EHBP1: variants seen among roughly 807,000 people sequenced by gnomAD.
EHBP1 encodes EH domain-binding protein 1.
Under a neutral mutation model 144.0 loss-of-function variants are expected in EHBP1, and 55 were observed. The observed-to-expected ratio is 0.38, with a 90% CI of 0.31 to 0.48. EHBP1 has a LOEUF of 0.48. EHBP1 is among the 20% of genes least tolerant of loss of function. EHBP1 has a pLI of 0.98. For synonymous variants in EHBP1, 469 were observed against 472.7 expected (o/e 0.99, Z 0.10); for missense variants, 1,200 against 1,364.2 (o/e 0.88, Z 1.90).
intron 9 of EHBP1, among the ~76,000 whole-genome samples, chr2:62,865,989 G>A (rs970779440): frequency 3.9e-5 from 6 of 152,206 alleles, no homozygotes; most frequent in African/African-American, 1.4e-4. Flanking sequence ...CTTTAGCTGA[G>A]TGTGGATCAG....
intron 14 of EHBP1, among the ~76,000 whole-genome samples, chr2:62,971,844 A>G (rs1574301859): frequency 6.6e-6 from 1 of 152,036 alleles, no homozygotes; most frequent in East Asian, 1.9e-4. Context: ...CTTCTATGAA[A>G]CCCTCCAAAG....
chr2:62,793,402 T>A (rs1371441090), intron 5 of EHBP1, among the ~76,000 whole-genome samples: 1 of 152,146 alleles, frequency 6.6e-6, no homozygotes, highest in Non-Finnish European at 1.5e-5. Flanking sequence ...AGTGAAAATC[T>A]ATAGGGCTTT....
intron 3 of EHBP1, among the ~76,000 whole-genome samples, chr2:62,748,844 G>C (rs938396638): frequency 2.0e-5 from 3 of 151,958 alleles, no homozygotes; most frequent in African/African-American, 7.2e-5. Flanking sequence ...CTCTTTTCAA[G>C]TCTTTTATTT....
intron 3 of EHBP1, among the ~76,000 whole-genome samples, chr2:62,753,097 C>A (rs973868835): frequency 6.6e-6 from 1 of 152,104 alleles, no homozygotes; most frequent in Non-Finnish European, 1.5e-5. Context: ...TTCCTAGCAT[C>A]GATGGTCTTT....
intron 9 of EHBP1, among the ~76,000 whole-genome samples, chr2:62,871,364 A>C (rs1445142545): frequency 6.6e-6 from 1 of 152,224 alleles, no homozygotes; most frequent in African/African-American, 2.4e-5. Flanking sequence ...AGTCTTTACA[A>C]GTTTCTCGTG....
intron 10 of EHBP1, among the ~76,000 whole-genome samples, chr2:62,890,110 G>A (rs1299417531): frequency 6.6e-6 from 1 of 151,866 alleles, no homozygotes; most frequent in Non-Finnish European, 1.5e-5. Flanking sequence ...ACAGGCACAT[G>A]CCACCACACC....
At chr2:62,996,787 G>C (rs763975095) in intron 19 of EHBP1, 21 bp downstream of exon 19, 2 of 1,605,352 alleles carry the variant, frequency 1.2e-6, no homozygotes, top group Non-Finnish European at 8.5e-7. Flanking sequence ...CAATTACACT[G>C]TAAACAGTTT....
At position 62,993,557 on chromosome 2, in the gene EHBP1, C is replaced by A. The variant is rs141670000; in HGVS notation, c.2761C>A (p.Arg921=). ...KSGTEDLRTE[R]LQKTTERFRN... is the part of the protein sequence containing the mutation. Reference sequence around the variant, plus strand: ...TGGCACAGAAGATCTCCGGACTGAACGATTACAAAAAACAACAGAACGTTT... The same window carrying A: ...TGGCACAGAAGATCTCCGGACTGAAAGATTACAAAAAACAACAGAACGTTT... The change falls in exon 17 of 23, where the codon CGA becomes AGA. Residue 921 remains arginine, a synonymous_variant. Transcript: ENST00000431489. 2.5e-6 allele frequency: 4 copies of A among 1,594,730 alleles called. No individual in the cohort carries two copies. The highest frequency in any genetic ancestry group is 2.3e-5 in the South Asian group (2 of 88,016).
At chr2:62,948,130 T>G (rs2057170558) in intron 12 of EHBP1, 130 bp from the exon 13 acceptor site, 1 of 708,230 alleles carries the variant, frequency 1.4e-6, no homozygotes, top group South Asian at 5.6e-5. Context: ...CTTTTGGAAA[T>G]TTGTTCTTTT....
At chr2:63,043,920 C>CATTTTTTTT in intron 21 of EHBP1, 1 of 9,384 alleles carries the variant, frequency 1.1e-4, no homozygotes, top group Non-Finnish European at 2.0e-4. Flanking sequence ...GGCCATGGTT[C>CATTTTTTTT]TTTTTTTTTT....
chr2:62,839,120 G>A (rs1445062928), intron 7 of EHBP1, among the ~76,000 whole-genome samples: 2 of 148,854 alleles, frequency 1.3e-5, no homozygotes, highest in South Asian at 2.1e-4. Flanking sequence ...GAATCCAGCA[G>A]CACATCAAAA....
Position 62,860,650 on chromosome 2 carries a change from C to T in EHBP1, c.757+1359C>T, listed in dbSNP as rs573879743. Among the ~76,000 whole-genome samples, 73 of 152,286 alleles carry T rather than the reference C, an allele frequency of 4.8e-4. 1 individual carries two copies. The highest frequency in any genetic ancestry group is 1.5e-3 in the African/African-American group (63 of 41,562). ...TCTTAATCAGGTATCCTTTTGACCA[C>T]ACAACTTCTTGATTTTATACTACAT... On this transcript the variant is annotated intron_variant, in intron 8 of 22. Coordinates refer to ENST00000431489, the MANE Select transcript of EHBP1 (RefSeq NM_001142616.3).
At chr2:62,955,845 C>T in intron 14 of EHBP1, 185 bp downstream of exon 14, 1 of 517,642 alleles carries the variant, frequency 1.9e-6, no homozygotes, top group East Asian at 3.4e-5. Flanking sequence ...ATTATTCCTA[C>T]AGAGCAGTGT....
At chr2:62,933,050 TTC>T (rs1425245536) in intron 10 of EHBP1, among the ~76,000 whole-genome samples, 4 of 151,906 alleles carry the variant, frequency 2.6e-5, no homozygotes, top group Admixed American at 1.3e-4. Flanking sequence ...CCCAAATAAC[TTC>T]TGTTTATGTG....
At chr2:62,964,448 C>T (rs1392731567) in intron 14 of EHBP1, among the ~76,000 whole-genome samples, 1 of 152,216 alleles carries the variant, frequency 6.6e-6, no homozygotes, top group Non-Finnish European at 1.5e-5. Context: ...TCAGCATGCA[C>T]AAGAGTTTAA....
rs2048969872 is a variant in EHBP1 at position 62,855,403 on chromosome 2, C to T, written c.635-3766C>T. On this transcript the variant is annotated intron_variant, in intron 7 of 22. Transcript: ENST00000431489. ...GCAGCTCCATGCTGGCCTGCAGGCACCCATTGGCACCTACACCCTAGGCAC... is the reference window on the plus strand; with the variant it reads ...GCAGCTCCATGCTGGCCTGCAGGCATCCATTGGCACCTACACCCTAGGCAC... 2.0e-5 allele frequency among the ~76,000 whole-genome samples: 3 copies of T among 152,104 alleles called. 1 individual carries two copies. In the South Asian group the frequency reaches 6.2e-4, roughly 32 times the overall value.
At chr2:62,734,480 C>T (rs2037922639) in intron 2 of EHBP1, among the ~76,000 whole-genome samples, 1 of 149,296 alleles carries the variant, frequency 6.7e-6, no homozygotes, top group South Asian at 2.1e-4. Flanking sequence ...GCAACCAAAT[C>T]TTTTGATTAG....
At chr2:62,792,205 C>G (rs2043206663) in intron 5 of EHBP1, among the ~76,000 whole-genome samples, 1 of 151,958 alleles carries the variant, frequency 6.6e-6, no homozygotes, top group South Asian at 2.1e-4. Context: ...GCTGTCTAAG[C>G]CAATTTAAAT....
chr2:62,735,393 A>G (rs2038028194), intron 2 of EHBP1, among the ~76,000 whole-genome samples: 1 of 152,122 alleles, frequency 6.6e-6, no homozygotes, highest in Non-Finnish European at 1.5e-5. Flanking sequence ...TTTTATAATA[A>G]CAAAATAATC....
Sources: gnomAD v4.1 joint callset for allele counts (sites outside exome capture counted in the v4.1 genomes callset) on GRCh38, gnomAD v4.1.1 for gene constraint, MANE v1.5 for transcripts, NCBI Gene and HGNC (gene_info 2026-07-23, HGNC 2026-07-21) for gene names.